THRAP3: variants seen among roughly 807,000 people sequenced by gnomAD.
The protein encoded by THRAP3 is thyroid hormone receptor-associated protein 3.
THRAP3 carries 16 observed loss-of-function variants against 101.0 expected under a neutral mutation model. The ratio of observed to expected loss-of-function variants is 0.16; its 90% CI spans 0.11 to 0.24. THRAP3 has a LOEUF of 0.24. THRAP3 is among the 10% of genes least tolerant of loss of function. The pLI is 1.00. For missense variants in THRAP3, 989 were observed against 1,202.7 expected (o/e 0.82, Z 2.63); for synonymous variants, 407 against 422.6 (o/e 0.96, Z 0.45).
upstream of THRAP3, among the ~76,000 whole-genome samples, chr1:36,223,420 C>G (rs955810704): frequency 1.3e-5 from 2 of 152,198 alleles, no homozygotes; most frequent in Non-Finnish European, 2.9e-5. Flanking sequence ...TCTCGGCTCT[C>G]AAAGAGCTCA....
intron 3 of THRAP3, among the ~76,000 whole-genome samples, chr1:36,283,256 C>G (rs544362153): frequency 6.6e-6 from 1 of 152,218 alleles, no homozygotes; most frequent in Admixed American, 6.5e-5. Flanking sequence ...CTTTATCTTA[C>G]TGAATATGAG....
intron 3 of THRAP3, 125 bp downstream of exon 3, chr1:36,282,825 G>A: frequency 9.9e-7 from 1 of 1,010,806 alleles, no homozygotes; most frequent in South Asian, 1.5e-5. Context: ...TGAGGTGCAG[G>A]GTTGGGCTAT....
chr1:36,226,452 G>T (rs1191241261), intron 1 of THRAP3, among the ~76,000 whole-genome samples: 1 of 152,104 alleles, frequency 6.6e-6, no homozygotes, highest in Non-Finnish European at 1.5e-5. Flanking sequence ...TAGAGACGGG[G>T]TTTCACCATG....
intron 3 of THRAP3, among the ~76,000 whole-genome samples, chr1:36,284,063 G>A (rs1303082993): frequency 6.6e-6 from 1 of 152,118 alleles, no homozygotes; most frequent in African/African-American, 2.4e-5. Context: ...GGTTATGAAA[G>A]ATACCTTTTT....
intron 1 of THRAP3, among the ~76,000 whole-genome samples, chr1:36,227,574 C>T (rs1465552558): frequency 5.3e-5 from 8 of 152,066 alleles, no homozygotes; most frequent in South Asian, 2.1e-4. Flanking sequence ...TAAGCTACTG[C>T]GCCCAGCCTA....
intron 1 of THRAP3, among the ~76,000 whole-genome samples, chr1:36,226,671 A>G (rs554183876): frequency 3.1e-4 from 47 of 152,340 alleles, no homozygotes; most frequent in Middle Eastern, 6.8e-3. Context: ...GGTTAATGCT[A>G]TTCTCTCAAA....
At chr1:36,250,688 G>T (rs998400994) in intron 1 of THRAP3, among the ~76,000 whole-genome samples, 1 of 150,670 alleles carries the variant, frequency 6.6e-6, no homozygotes, top group African/African-American at 2.4e-5. Context: ...GAAGCGGGCG[G>T]ATCACTTGAG....
intron 2 of THRAP3, among the ~76,000 whole-genome samples, chr1:36,272,733 T>A (rs75073574): frequency 0.084 from 12,735 of 152,220 alleles, 746 homozygotes; most frequent in Middle Eastern, 0.23. Flanking sequence ...TTCCCTTTAG[T>A]GACTGTTGAA....
At chr1:36,233,971 T>G (rs1366765559) in intron 1 of THRAP3, among the ~76,000 whole-genome samples, 1 of 152,098 alleles carries the variant, frequency 6.6e-6, no homozygotes, top group Non-Finnish European at 1.5e-5. Context: ...TTCTTTTTAT[T>G]TTGAGATAGG....
chr1:36,283,256 C>T (rs544362153), intron 3 of THRAP3, among the ~76,000 whole-genome samples: 57 of 152,336 alleles, frequency 3.7e-4, no homozygotes, highest in African/African-American at 1.3e-3. Flanking sequence ...CTTTATCTTA[C>T]TGAATATGAG....
At position 36,262,855 on chromosome 1, in the gene THRAP3, G is replaced by A. The variant is rs1413149353; in HGVS notation, c.-32+3371G>A. Among the ~76,000 whole-genome samples, 3 of 134,698 alleles carry A rather than the reference G, an allele frequency of 2.2e-5. 1 individual carries two copies. The highest frequency in any genetic ancestry group is 4.8e-4 in the South Asian group (2 of 4,146). The allele number at this position is 134,698 out of a possible 152,430, so 88.4% of individuals were successfully genotyped here. On this transcript the variant is annotated intron_variant, in intron 2 of 11. Coordinates refer to ENST00000354618, the MANE Select transcript of THRAP3 (RefSeq NM_005119.4). ...GTCTCCCAGGCTGGAGTGCAGTGGCGCGATCTCGGCTCACTACAAGTCCAC... is the reference window on the plus strand; with the variant it reads ...GTCTCCCAGGCTGGAGTGCAGTGGCACGATCTCGGCTCACTACAAGTCCAC...
At chr1:36,288,207 CATGG>C (rs1645819903) in intron 4 of THRAP3, 5 of 867,336 alleles carry the variant, frequency 5.8e-6, no homozygotes, top group African/African-American at 1.8e-5. Context: ...TGTTTGGTTA[CATGG>C]ATAAGTTTGT....
upstream of THRAP3, among the ~76,000 whole-genome samples, chr1:36,220,457 C>G (rs893887260): frequency 4.6e-5 from 7 of 152,086 alleles, no homozygotes; most frequent in African/African-American, 1.7e-4. Context: ...GGACTGATTA[C>G]TTGAGGTCAG....
intron 1 of THRAP3, among the ~76,000 whole-genome samples, chr1:36,250,414 AT>A (rs1645285771): frequency 1.3e-5 from 2 of 151,938 alleles, no homozygotes; most frequent in African/African-American, 4.8e-5. Flanking sequence ...AGGTTTCACT[AT>A]GTTGGCCGGG....
intron 2 of THRAP3, among the ~76,000 whole-genome samples, chr1:36,261,163 C>T (rs185495389): frequency 1.2e-3 from 178 of 152,176 alleles, no homozygotes; most frequent in Middle Eastern, 6.8e-3. Context: ...TTTGGGAGGC[C>T]GAGGAGGGCA....
At chr1:36,244,291 T>C (rs1428367048) in intron 1 of THRAP3, among the ~76,000 whole-genome samples, 1 of 152,216 alleles carries the variant, frequency 6.6e-6, no homozygotes, top group Non-Finnish European at 1.5e-5. Flanking sequence ...AAATTGGTAA[T>C]GTTATTTCTA....
chr1:36,212,459 C>T, the THRAP3 span, among the ~76,000 whole-genome samples: 3 of 119,794 alleles, frequency 2.5e-5, no homozygotes, highest in Admixed American at 1.1e-4. Context: ...CTTGCTCTTT[C>T]GGCCAGGCTG....
At chr1:36,254,665 G>C (rs1645350270) in intron 1 of THRAP3, among the ~76,000 whole-genome samples, 1 of 152,090 alleles carries the variant, frequency 6.6e-6, no homozygotes. Context: ...GAATGTGACT[G>C]TTCCTATAAA....
In THRAP3 at chr1:36,301,554, A is replaced by G. The variant is rs774744583; in HGVS notation, c.2504A>G (p.Gln835Arg). The G allele has an allele frequency of 1.9e-6, 3 of 1,612,570 alleles. No homozygotes were observed. Residue 835 changes from glutamine to arginine, a missense_variant and splice_region_variant, in exon 11 of 12, where the codon CAG (glutamine) becomes CGG (arginine). By Grantham distance (43) the Gln-to-Arg change is conservative. Coordinates refer to ENST00000354618, the MANE Select transcript of THRAP3 (RefSeq NM_005119.4). ...RGGGRARGTF[Q>R]FRARGRGWGR... is the part of the protein sequence containing the mutation. ...TTTTTCCCTCATTTATTGCAATAGCAGTTTCGAGCCAGAGGAAGAGGCTGG... is the reference window on the plus strand; with the variant it reads ...TTTTTCCCTCATTTATTGCAATAGCGGTTTCGAGCCAGAGGAAGAGGCTGG...
Sources: allele counts gnomAD v4.1 joint callset (sites outside exome capture counted in the v4.1 genomes callset), GRCh38; gene constraint gnomAD v4.1.1; transcripts MANE v1.5; gene names NCBI Gene and HGNC (gene_info 2026-07-23, HGNC 2026-07-21).